The following PDHA1 variants were observed in gnomAD, a reference collection of about 807,000 sequenced individuals.
The protein encoded by PDHA1 is pyruvate dehydrogenase E1 component subunit alpha, somatic form, mitochondrial.
Under a neutral mutation model 33.0 loss-of-function variants are expected in PDHA1, and 1 was observed. The observed-to-expected ratio is 0.03, with a 90% CI of 0.01 to 0.14. The LOEUF is 0.14. Ranked by LOEUF, PDHA1 falls within the 10% of genes least tolerant of loss-of-function variation. The pLI, the probability that PDHA1 is intolerant of heterozygous loss-of-function variation, is 1.00. For missense variants in PDHA1, 168 were observed against 325.1 expected (o/e 0.52, Z 3.72); for synonymous variants, 123 against 119.2 (o/e 1.03, Z -0.21).
intron 9 of PDHA1, among the ~76,000 whole-genome samples, chrX:19,358,146 G>A (rs908111059): frequency 6.3e-5 from 7 of 111,682 alleles, no homozygotes; most frequent in Non-Finnish European, 1.3e-4. Context: ...TGTTCAATCC[G>A]TTGAAATACA....
chrX:19,359,470 ACTGTTAC>A lies in PDHA1; in HGVS notation c.1009-16_1009-10del, dbSNP rs759095242. ...TGCTGTTCATTCTAAAACCTTTTAC[ACTGTTAC>A]CTAATTTTTAGGAAATTGATGTGGA... On this transcript the variant is annotated splice_polypyrimidine_tract_variant and intron_variant, in intron 10 of 10. Coordinates refer to ENST00000422285, the MANE Select transcript of PDHA1 (RefSeq NM_000284.4). 1 of 1,196,487 alleles carries A rather than the reference ACTGTTAC, an allele frequency of 8.4e-7. No homozygotes were observed. Among genetic ancestry groups the A allele is most frequent in the Non-Finnish European group, 1.1e-6 (1 of 882,074 alleles).
At chrX:19,359,445 T>A in intron 10 of PDHA1, 44 bp from the exon 11 acceptor site, 1 of 1,101,297 alleles carries the variant, frequency 9.1e-7, no homozygotes, top group Non-Finnish European at 1.3e-6. Context: ...GTACCTAAGC[T>A]GCTGTTCATT....
intron 4 of PDHA1, among the ~76,000 whole-genome samples, chrX:19,351,926 G>A (rs2063166022): frequency 9.3e-6 from 1 of 107,048 alleles, no homozygotes; most frequent in Non-Finnish European, 1.9e-5. Context: ...CACCTCCTGA[G>A]TAGCTGGGAC....
Position 19,360,775 on chromosome X carries a change from C to A in PDHA1, c.*1122C>A. ...CAAGCCTTGTCTTTGGTTTCTGAGGCCTCCTGAGCCCTTCTGTACTGGGAG... is the reference window on the plus strand; with the variant it reads ...CAAGCCTTGTCTTTGGTTTCTGAGGACTCCTGAGCCCTTCTGTACTGGGAG... On this transcript the variant is annotated 3_prime_UTR_variant, in exon 11 of 11. Coordinates refer to ENST00000422285, the MANE Select transcript of PDHA1 (RefSeq NM_000284.4). The A allele has an allele frequency of 8.3e-7, 1 of 1,208,759 alleles. No individual in the cohort carries two copies. Among genetic ancestry groups the A allele is most frequent in the Non-Finnish European group, 1.1e-6 (1 of 894,206 alleles).
At chrX:19,346,130 A>G (rs1046059844) in intron 1 of PDHA1, among the ~76,000 whole-genome samples, 2 of 111,736 alleles carry the variant, frequency 1.8e-5, no homozygotes, top group Non-Finnish European at 3.8e-5. Context: ...CTTGACAGTA[A>G]ACAATAAGCA....
At chrX:19,357,631 T>G in intron 8 of PDHA1, 21 bp from the exon 9 acceptor site, 1 of 1,192,762 alleles carries the variant, frequency 8.4e-7, no homozygotes, top group Non-Finnish European at 1.1e-6. Context: ...ACTAACTAAC[T>G]GCCTACCGGT....
In PDHA1 at chrX:19,344,015, G is replaced by C. The variant is rs773557576; in HGVS notation, c.-23G>C. The C allele has an allele frequency of 5.0e-6, 6 of 1,203,158 alleles. No individual in the cohort carries two copies. Among genetic ancestry groups the C allele is most frequent in the Non-Finnish European group, 5.6e-6 (5 of 891,170 alleles). On this transcript the variant is annotated 5_prime_UTR_variant, in exon 1 of 11. Transcript: ENST00000422285. ...GCCTCCTGGGTTGTGAGGAGTCGCC[G>C]CTGCCGCCACTGCCTGTGCTTCATG...
At chrX:19,345,071 A>G (rs1053357658) in intron 1 of PDHA1, among the ~76,000 whole-genome samples, 1 of 110,564 alleles carries the variant, frequency 9.0e-6, no homozygotes, top group South Asian at 3.8e-4. Flanking sequence ...GTTTAGCACT[A>G]TTTCATGGCC....
Position 19,345,755 on chromosome X carries a change from C to T in PDHA1, c.57+1661C>T, listed in dbSNP as rs755870048. The T allele has an allele frequency of 8.5e-4, 233 of 273,151 alleles. 3 individuals carry two copies. The highest frequency in any genetic ancestry group is 1.0e-3 in the Admixed American group (22 of 21,319). 22.5% of individuals were successfully genotyped at this position (273,151 alleles called of 1,213,427 possible). Reference sequence around the variant, plus strand: ...TATCAGTTTGCAGGGTCCCCCCCCCCCCGCCACCTTACAGTAGGAAGAAAA... The same window carrying T: ...TATCAGTTTGCAGGGTCCCCCCCCCTCCGCCACCTTACAGTAGGAAGAAAA... On this transcript the variant is annotated intron_variant, in intron 1 of 10. Transcript: ENST00000422285.
Position 19,360,274 on chromosome X carries a change from C to T in PDHA1, c.*621C>T, listed in dbSNP as rs537446476. ...TTTTGTGTTTCTCAAATTGAAGTAC[C>T]ATACCAGTTCTGAGGCAGTGTCCCA... On this transcript the variant is annotated 3_prime_UTR_variant, in exon 11 of 11. Coordinates refer to ENST00000422285, the MANE Select transcript of PDHA1 (RefSeq NM_000284.4). 4.3e-5 allele frequency: 6 copies of T among 138,068 alleles called. No homozygotes were observed. The highest frequency in any genetic ancestry group is 3.4e-3 in the Middle Eastern group (1 of 298). The allele number at this position is 138,068 out of a possible 1,213,427, so 11.4% of individuals were successfully genotyped here.
intron 9 of PDHA1, 25 bp from the exon 10 acceptor site, chrX:19,358,891 G>C: frequency 1.1e-6 from 1 of 904,179 alleles, no homozygotes; most frequent in East Asian, 3.1e-5. Context: ...CTTACTGATC[G>C]ATTACTACTT....
At chrX:19,359,353 C>A in intron 10 of PDHA1, 136 bp from the exon 11 acceptor site, 1 of 554,842 alleles carries the variant, frequency 1.8e-6, no homozygotes, top group Non-Finnish European at 3.2e-6. Flanking sequence ...ATCTGTATTC[C>A]AAAATCTTCT....
At position 19,359,611 on chromosome X, in the gene PDHA1, T is replaced by C; in HGVS notation, c.1131T>C (p.Val377=). ...HIYSSDPPFE[V]RGANQWIKFK... ...ACTCCAGCGACCCACCTTTTGAAGT[T>C]CGTGGTGCCAATCAGTGGATCAAGT... Residue 377 remains valine, a synonymous_variant, in exon 11 of 11, where the codon GTT becomes GTC. Transcript: ENST00000422285. 8.3e-7 allele frequency: 1 copy of C among 1,211,468 alleles called. No homozygotes were observed. The highest frequency in any genetic ancestry group is 1.1e-6 in the Non-Finnish European group (1 of 895,346).
chrX:19,350,643 T>C (rs1321526510), intron 3 of PDHA1, among the ~76,000 whole-genome samples: 1 of 112,614 alleles, frequency 8.9e-6, no homozygotes, highest in Non-Finnish European at 1.9e-5. Context: ...CATTCACACA[T>C]AACATTGCCA....
In PDHA1 at chrX:19,359,046, G is replaced by T. The variant is rs1569193567; in HGVS notation, c.1008+22G>T. The T allele has an allele frequency of 1.1e-5, 11 of 1,022,679 alleles. No homozygotes were observed. The Middle Eastern group carries it at 2.5e-3, about 236-fold the overall frequency. The allele number at this position is 1,022,679 out of a possible 1,213,427, so 84.3% of individuals were successfully genotyped here. A position where few individuals can be genotyped will look rare whatever the true frequency, so the allele number is the denominator to read the frequency against. On this transcript the variant is annotated intron_variant, in intron 10 of 10. Transcript: ENST00000422285. The stretch of plus-strand genomic sequence containing the variant: ...AAAGGTACAGTCACTTGTTCATGGT[G>T]GTTTGAAGGTTGGCTTTAAAAGTTG...
intron 5 of PDHA1, among the ~76,000 whole-genome samples, chrX:19,353,651 G>A (rs1356666508): frequency 8.9e-6 from 1 of 111,870 alleles, no homozygotes; most frequent in African/African-American, 3.2e-5. Context: ...AAGACCTAGT[G>A]CTTCATATCC....
intron 3 of PDHA1, 112 bp downstream of exon 3, chrX:19,350,222 A>C (rs1208286163): frequency 1.7e-6 from 1 of 596,194 alleles, no homozygotes; most frequent in African/African-American, 2.2e-5. Flanking sequence ...CTGGTAATGT[A>C]ATTTTCTTTT....
At chrX:19,359,135 ACATAAATAGTTC>A (rs1194594909) in intron 10 of PDHA1, 111 bp downstream of exon 10, 10 of 531,888 alleles carry the variant, frequency 1.9e-5, no homozygotes, top group Non-Finnish European at 2.7e-5. Flanking sequence ...ATGTCCTGGG[ACATAAATAGTTC>A]CATAGTTCCA....
rs1457087394 is a variant in PDHA1 at position 19,359,041 on chromosome X, A to G, written c.1008+17A>G. ...GAACTAAAGGTACAGTCACTTGTTC[A>G]TGGTGGTTTGAAGGTTGGCTTTAAA... On this transcript the variant is annotated intron_variant, in intron 10 of 10. Coordinates refer to ENST00000422285, the MANE Select transcript of PDHA1 (RefSeq NM_000284.4). The G allele has an allele frequency of 1.9e-6, 2 of 1,057,962 alleles. No individual in the cohort carries two copies. Among genetic ancestry groups the G allele is most frequent in the East Asian group, 3.0e-5 (1 of 33,175 alleles). 87.2% of individuals were successfully genotyped at this position (1,057,962 alleles called of 1,213,427 possible). A position where few individuals can be genotyped will look rare whatever the true frequency, so the allele number is the denominator to read the frequency against.
Sources: allele counts gnomAD v4.1 joint callset (sites outside exome capture counted in the v4.1 genomes callset), GRCh38; gene constraint gnomAD v4.1.1; transcripts MANE v1.5; gene names NCBI Gene and HGNC (gene_info 2026-07-23, HGNC 2026-07-21).